UNC13C: variants seen among roughly 807,000 people sequenced by gnomAD.
UNC13C encodes protein unc-13 homolog C.
A neutral mutation model predicts 245.4 loss-of-function variants in UNC13C; 174 were observed. The observed-to-expected ratio is 0.71, with a 90% CI of 0.63 to 0.80. The LOEUF (loss-of-function observed/expected upper bound fraction) is 0.80, where lower values mean the gene tolerates loss of function less well. Among genes scored for constraint, UNC13C ranks in the 30% least tolerant of loss-of-function variants. The pLI, the probability that UNC13C is intolerant of heterozygous loss-of-function variation, is 0.00. For missense variants in UNC13C, 2,829 were observed against 2,602.9 expected (o/e 1.09, Z -1.89); for synonymous variants, 992 against 895.1 (o/e 1.11, Z -1.93).
At chr15:54,625,240 G>T (rs1028837972) in intron 32 of UNC13C, among the ~76,000 whole-genome samples, 2 of 152,020 alleles carry the variant, frequency 1.3e-5, no homozygotes, top group Non-Finnish European at 2.9e-5. Context: ...TCTTGATGGG[G>T]TTCCCTTTTG....
intron 13 of UNC13C, among the ~76,000 whole-genome samples, chr15:54,308,424 T>C (rs1419922526): frequency 3.9e-5 from 6 of 151,928 alleles, no homozygotes; most frequent in African/African-American, 1.4e-4. Context: ...TACAACATGA[T>C]GTTTTGAAGT....
chr15:54,624,276 A>C (rs1313985321), intron 32 of UNC13C, among the ~76,000 whole-genome samples: 1 of 152,180 alleles, frequency 6.6e-6, no homozygotes, highest in African/African-American at 2.4e-5. Context: ...ACTATGTGGT[A>C]AGTGCTATGA....
intron 18 of UNC13C, among the ~76,000 whole-genome samples, chr15:54,409,059 T>C (rs2040365254): frequency 6.6e-6 from 1 of 152,120 alleles, no homozygotes; most frequent in Non-Finnish European, 1.5e-5. Context: ...TAGAGAGTCA[T>C]TAGATAACTA....
In UNC13C at chr15:54,183,180, T is replaced by C. The variant is rs1326328218; in HGVS notation, c.3071+39496T>C. ...AAAATGAATATCAAGTAGTAATACA[T>C]ATTGCTTCCATTTATTATTGTAATA... On this transcript the variant is annotated intron_variant, in intron 4 of 32. Transcript: ENST00000260323. Among the ~76,000 whole-genome samples, 3 of 151,936 alleles carry C rather than the reference T, an allele frequency of 2.0e-5. No homozygotes were observed. In the East Asian group the frequency reaches 5.8e-4, roughly 29 times the overall value.
intron 18 of UNC13C, among the ~76,000 whole-genome samples, chr15:54,408,094 G>A (rs922053678): frequency 2.7e-5 from 4 of 150,456 alleles, no homozygotes; most frequent in Non-Finnish European, 4.4e-5. Context: ...CCAGCTACTC[G>A]GGAGGCTGAG....
At chr15:53,924,727 C>A in the UNC13C span, among the ~76,000 whole-genome samples, 8 of 152,248 alleles carry the variant, frequency 5.3e-5, no homozygotes, top group Admixed American at 5.2e-4. Flanking sequence ...TTCCTAATCC[C>A]AAAGAAAGCC....
chr15:54,188,741 C>T (rs8033998), intron 4 of UNC13C, among the ~76,000 whole-genome samples: 67,185 of 151,998 alleles, frequency 0.44, 15,098 homozygotes, highest in Non-Finnish European at 0.48. Context: ...CTGATCCTCA[C>T]AGCTGGATAG....
intron 1 of UNC13C, among the ~76,000 whole-genome samples, chr15:53,988,086 C>T (rs892946246): frequency 2.6e-5 from 4 of 151,934 alleles, no homozygotes; most frequent in African/African-American, 9.7e-5. Context: ...ATTTCTAGTG[C>T]CTGTATCTGG....
the UNC13C span, among the ~76,000 whole-genome samples, chr15:53,953,920 A>G: frequency 6.6e-6 from 1 of 152,250 alleles, no homozygotes; most frequent in Admixed American, 6.5e-5. Context: ...TGCTACGTGC[A>G]GTTGGCATCA....
chr15:54,162,331 G>C (rs759708411), intron 4 of UNC13C, among the ~76,000 whole-genome samples: 20 of 152,152 alleles, frequency 1.3e-4, no homozygotes, highest in Non-Finnish European at 1.6e-4. Flanking sequence ...GCAGAATTTA[G>C]AGACCTGATT....
At chr15:53,895,065 TA>T in the UNC13C span, among the ~76,000 whole-genome samples, 1 of 152,198 alleles carries the variant, frequency 6.6e-6, no homozygotes, top group East Asian at 1.9e-4. Context: ...GATCATTCCT[TA>T]GAAATTTTTT....
chr15:54,074,233 C>G (rs1408851903), intron 2 of UNC13C, among the ~76,000 whole-genome samples: 2 of 144,734 alleles, frequency 1.4e-5, no homozygotes, highest in Non-Finnish European at 3.1e-5. Flanking sequence ...TTCCATTGGT[C>G]TATATATCTG....
At chr15:54,302,626 C>T (rs2140949701) in intron 13 of UNC13C, among the ~76,000 whole-genome samples, 2 of 152,212 alleles carry the variant, frequency 1.3e-5, no homozygotes, top group South Asian at 4.1e-4. Flanking sequence ...TTACTGAGGC[C>T]TCTGTTCTGT....
At chr15:54,286,288 T>G (rs1311247514) in intron 10 of UNC13C, among the ~76,000 whole-genome samples, 2 of 152,332 alleles carry the variant, frequency 1.3e-5, no homozygotes, top group East Asian at 3.9e-4. Flanking sequence ...ATTTTAGATA[T>G]TCTTAACAAA....
intron 30 of UNC13C, among the ~76,000 whole-genome samples, chr15:54,616,023 C>A (rs569566696): frequency 6.6e-6 from 1 of 152,138 alleles, no homozygotes; most frequent in South Asian, 2.1e-4. Flanking sequence ...AAATATGTTT[C>A]AATCCTAAAA....
At chr15:54,572,272 G>T (rs890881531) in intron 30 of UNC13C, among the ~76,000 whole-genome samples, 6 of 151,960 alleles carry the variant, frequency 3.9e-5, no homozygotes, top group African/African-American at 1.5e-4. Context: ...TTTCTCTCAT[G>T]TGTTCTTAAT....
At chr15:54,038,131 T>TTTTTTTTTTTTTTTTTTTTTG in intron 2 of UNC13C, among the ~76,000 whole-genome samples, 1 of 115,562 alleles carries the variant, frequency 8.7e-6, no homozygotes, top group African/African-American at 3.7e-5. Context: ...TATATTTTTT[T>TTTTTTTTTTTTTTTTTTTTTG]TTTTTTTTTC....
chr15:53,867,358 A>T, the UNC13C span, among the ~76,000 whole-genome samples: 1 of 152,204 alleles, frequency 6.6e-6, no homozygotes, highest in Non-Finnish European at 1.5e-5. Flanking sequence ...ATCAGATAAA[A>T]CATTAACAAC....
At chr15:53,988,597 C>A (rs548456536) in intron 1 of UNC13C, among the ~76,000 whole-genome samples, 2 of 151,870 alleles carry the variant, frequency 1.3e-5, no homozygotes, top group South Asian at 4.2e-4. Flanking sequence ...CAGGAATGGT[C>A]TGCTAGGGAG....
Sources: gnomAD v4.1 joint callset for allele counts (sites outside exome capture counted in the v4.1 genomes callset) on GRCh38, gnomAD v4.1.1 for gene constraint, MANE v1.5 for transcripts, NCBI Gene and HGNC (gene_info 2026-07-23, HGNC 2026-07-21) for gene names.